The following CTNNA2 variants were observed in gnomAD, a reference collection of about 807,000 sequenced individuals.
CTNNA2 encodes the protein catenin alpha-2.
Under a neutral mutation model 101.0 loss-of-function variants are expected in CTNNA2, and 42 were observed. The observed-to-expected ratio is 0.42, with a 90% CI of 0.32 to 0.54. The LOEUF is 0.54. Ranked by LOEUF, CTNNA2 falls within the 20% of genes least tolerant of loss-of-function variation. The pLI is 0.14. For synonymous variants in CTNNA2, 450 were observed against 456.4 expected (o/e 0.99, Z 0.18); for missense variants, 871 against 1,223.1 (o/e 0.71, Z 4.29).
intron 7 of CTNNA2, among the ~76,000 whole-genome samples, chr2:80,219,824 T>C (rs1383796488): frequency 6.6e-6 from 1 of 152,210 alleles, no homozygotes; most frequent in Non-Finnish European, 1.5e-5. Flanking sequence ...TTAAGTCCCT[T>C]TATTTTCTCT....
At chr2:79,404,698 C>T (rs978311704) in intron 4 of CTNNA2, among the ~76,000 whole-genome samples, 1 of 152,004 alleles carries the variant, frequency 6.6e-6, no homozygotes, top group Admixed American at 6.6e-5. Context: ...GAACACCTCA[C>T]TCTGGGAAGA....
At chr2:80,558,362 G>A (rs73938503) in intron 12 of CTNNA2, among the ~76,000 whole-genome samples, 48 of 152,264 alleles carry the variant, frequency 3.2e-4, no homozygotes, top group African/African-American at 1.1e-3. Flanking sequence ...GCTGGGGAAT[G>A]TGCTTGCATA....
chr2:80,363,645 C>T (rs1325453007), intron 7 of CTNNA2, among the ~76,000 whole-genome samples: 1 of 152,074 alleles, frequency 6.6e-6, no homozygotes, highest in Non-Finnish European at 1.5e-5. Flanking sequence ...CTGCCACATT[C>T]TTATAATGGT....
intron 2 of CTNNA2, among the ~76,000 whole-genome samples, chr2:79,263,740 T>G (rs1308970391): frequency 6.6e-6 from 1 of 152,248 alleles, no homozygotes; most frequent in African/African-American, 2.4e-5. Context: ...GGCTCCTTCT[T>G]GCTATCTCAC....
chr2:80,517,983 T>A (rs1689233880), intron 9 of CTNNA2, among the ~76,000 whole-genome samples: 1 of 152,124 alleles, frequency 6.6e-6, no homozygotes, highest in Admixed American at 6.5e-5. Flanking sequence ...GGATTACAAG[T>A]AAAACACCTT....
chr2:79,481,406 T>G (rs145096848), intron 4 of CTNNA2, among the ~76,000 whole-genome samples: 124 of 152,272 alleles, frequency 8.1e-4, no homozygotes, highest in African/African-American at 2.6e-3. Context: ...CAGGTTTATT[T>G]TGAAGTCATG....
At chr2:79,843,138 A>G (rs1427485607) in intron 3 of CTNNA2, among the ~76,000 whole-genome samples, 1 of 152,240 alleles carries the variant, frequency 6.6e-6, no homozygotes, top group Non-Finnish European at 1.5e-5. Context: ...GGTTTCATTC[A>G]CTGGTTTTGC....
At chr2:80,576,222 C>G (rs1433896431) in intron 13 of CTNNA2, 1 of 152,074 alleles carries the variant, frequency 6.6e-6, no homozygotes, top group Admixed American at 6.6e-5. Flanking sequence ...GCAGTCAATA[C>G]ATATTTAATG....
chr2:79,820,896 A>G (rs1190802237), intron 3 of CTNNA2, among the ~76,000 whole-genome samples: 3 of 152,202 alleles, frequency 2.0e-5, no homozygotes, highest in Non-Finnish European at 4.4e-5. Flanking sequence ...GGGTTGTTCC[A>G]AAATGCAATT....
At chr2:79,386,165 A>C (rs1043813806) in intron 4 of CTNNA2, among the ~76,000 whole-genome samples, 2 of 152,178 alleles carry the variant, frequency 1.3e-5, no homozygotes, top group Non-Finnish European at 2.9e-5. Context: ...AAAAGCGTTC[A>C]ATAGGGTCTT....
chr2:79,498,650 A>C (rs1054654615), intron 4 of CTNNA2, among the ~76,000 whole-genome samples: 1 of 152,144 alleles, frequency 6.6e-6, no homozygotes, highest in African/African-American at 2.4e-5. Context: ...CCCCCAGATT[A>C]AATTCTATCT....
intron 7 of CTNNA2, among the ~76,000 whole-genome samples, chr2:80,215,059 A>C (rs1381815498): frequency 6.6e-6 from 1 of 152,070 alleles, no homozygotes; most frequent in Admixed American, 6.6e-5. Flanking sequence ...CGGCTACTCA[A>C]GCTTATGCAT....
chr2:79,661,681 A>C (rs1200535207), intron 2 of CTNNA2, among the ~76,000 whole-genome samples: 1 of 152,110 alleles, frequency 6.6e-6, no homozygotes, highest in African/African-American at 2.4e-5. Flanking sequence ...CTGTGGTCTT[A>C]GGAGGAGCTC....
At chr2:80,061,106 C>T (rs1390205612) in intron 7 of CTNNA2, among the ~76,000 whole-genome samples, 2 of 152,130 alleles carry the variant, frequency 1.3e-5, no homozygotes, top group Admixed American at 1.3e-4. Flanking sequence ...GCATGTAAAC[C>T]TCTATTTCAG....
intron 7 of CTNNA2, among the ~76,000 whole-genome samples, chr2:80,015,693 C>T (rs187026468): frequency 4.6e-5 from 7 of 152,286 alleles, no homozygotes; most frequent in Non-Finnish European, 7.4e-5. Context: ...TGATAATCCA[C>T]GTGCTGCCTA....
chr2:79,212,336 G>A (rs1674186437), intron 2 of CTNNA2, among the ~76,000 whole-genome samples: 2 of 152,166 alleles, frequency 1.3e-5, no homozygotes, highest in African/African-American at 4.8e-5. Flanking sequence ...TTGGTCTGGT[G>A]TCTGGAATGA....
At chr2:80,201,599 T>C (rs1179101891) in intron 7 of CTNNA2, among the ~76,000 whole-genome samples, 1 of 152,008 alleles carries the variant, frequency 6.6e-6, no homozygotes, top group Non-Finnish European at 1.5e-5. Context: ...ATGGTCTCGA[T>C]CTCCTGACCT....
chr2:80,645,266 T>A (rs183554957), intron 18 of CTNNA2, among the ~76,000 whole-genome samples: 3 of 152,300 alleles, frequency 2.0e-5, no homozygotes, highest in African/African-American at 7.2e-5. Flanking sequence ...TGTTAGGTAT[T>A]TAGCTTCTAA....
chr2:79,498,517 G>T (rs60296843), intron 4 of CTNNA2, among the ~76,000 whole-genome samples: 1 of 151,940 alleles, frequency 6.6e-6, no homozygotes, highest in Non-Finnish European at 1.5e-5. Context: ...CATTTTCTTC[G>T]CAACAAGCTT....
Sources: allele counts gnomAD v4.1 joint callset (sites outside exome capture counted in the v4.1 genomes callset), GRCh38; gene constraint gnomAD v4.1.1; transcripts MANE v1.5; gene names NCBI Gene and HGNC (gene_info 2026-07-23, HGNC 2026-07-21).